Variants in DACH2 observed in about 807,000 individuals in gnomAD.
DACH2 encodes dachshund family transcription factor 2, also known as dachshund homolog 2.
A neutral mutation model predicts 35.8 loss-of-function variants in DACH2; 17 were observed. That is an observed-to-expected ratio of 0.48 (90% confidence interval 0.33 to 0.71). The LOEUF is 0.71. Ranked by LOEUF, DACH2 falls within the 30% of genes least tolerant of loss-of-function variation. DACH2 has a pLI of 0.02. For missense variants in DACH2, 469 were observed against 472.7 expected (o/e 0.99, Z 0.07); for synonymous variants, 195 against 177.3 (o/e 1.10, Z -0.79).
intron 3 of DACH2, among the ~76,000 whole-genome samples, chrX:86,616,094 A>T (rs2039998346): frequency 9.0e-6 from 1 of 111,449 alleles, no homozygotes; most frequent in Non-Finnish European, 1.9e-5. Context: ...TCCCCAAAAC[A>T]CATGATCTCA....
chrX:86,455,534 G>T (rs1420080974), intron 2 of DACH2, among the ~76,000 whole-genome samples: 1 of 112,243 alleles, frequency 8.9e-6, no homozygotes, highest in Non-Finnish European at 1.9e-5. Flanking sequence ...GAATAGATTG[G>T]GGTCCCATTT....
At chrX:86,828,487 T>C (rs1371927605) in intron 11 of DACH2, 1 of 111,571 alleles carries the variant, frequency 9.0e-6, no homozygotes, top group African/African-American at 3.3e-5. Context: ...CCCAAGCTGC[T>C]AAAAATACCC....
intron 1 of DACH2, among the ~76,000 whole-genome samples, chrX:86,313,223 A>T (rs189600213): frequency 1.8e-5 from 2 of 111,748 alleles, no homozygotes; most frequent in Admixed American, 9.6e-5. Flanking sequence ...ATCTAGTTCT[A>T]AAAAAGCTGA....
chrX:86,376,816 C>G lies in DACH2; in HGVS notation c.489-8C>G, dbSNP rs760971892. The G allele has an allele frequency of 9.4e-7, 1 of 1,067,323 alleles. No homozygotes were observed. Among genetic ancestry groups the G allele is most frequent in the African/African-American group, 1.9e-5 (1 of 53,617 alleles). The allele number at this position is 1,067,323 out of a possible 1,213,427, so 88.0% of individuals were successfully genotyped here. ...ATTTATTTATTTTCTGCTACACTCTCCTTTTAGAAGGAAGAGGCAAATGAC... is the reference window on the plus strand; with the variant it reads ...ATTTATTTATTTTCTGCTACACTCTGCTTTTAGAAGGAAGAGGCAAATGAC... On this transcript the variant is annotated splice_region_variant and splice_polypyrimidine_tract_variant and intron_variant, in intron 1 of 11. Transcript: ENST00000373125.
intron 3 of DACH2, among the ~76,000 whole-genome samples, chrX:86,572,645 A>G (rs1466648285): frequency 9.0e-6 from 1 of 111,574 alleles, no homozygotes; most frequent in Non-Finnish European, 1.9e-5. Flanking sequence ...ATTGAGTATG[A>G]TGTTGGCTAT....
At chrX:86,356,920 A>G (rs1251854683) in intron 1 of DACH2, among the ~76,000 whole-genome samples, 1 of 111,356 alleles carries the variant, frequency 9.0e-6, no homozygotes, top group East Asian at 2.8e-4. Context: ...AGTAGCATAC[A>G]CTGTACCTAG....
chrX:86,629,926 G>A (rs1006137201), intron 3 of DACH2, among the ~76,000 whole-genome samples: 11 of 111,068 alleles, frequency 9.9e-5, no homozygotes, highest in Non-Finnish European at 2.1e-4. Flanking sequence ...CAACAGACAA[G>A]TATAACTCAT....
intron 1 of DACH2, among the ~76,000 whole-genome samples, chrX:86,241,446 G>A (rs1398571971): frequency 8.9e-6 from 1 of 111,789 alleles, no homozygotes; most frequent in Non-Finnish European, 1.9e-5. Flanking sequence ...GATGTGGCCT[G>A]GCTGCTTCTA....
At chrX:86,407,884 C>G (rs751969285) in intron 2 of DACH2, among the ~76,000 whole-genome samples, 1 of 111,907 alleles carries the variant, frequency 8.9e-6, no homozygotes, top group Non-Finnish European at 1.9e-5. Flanking sequence ...GGTATCACAA[C>G]CCATTTATTT....
At chrX:86,158,649 A>G (rs1157758058) in intron 1 of DACH2, among the ~76,000 whole-genome samples, 1 of 110,003 alleles carries the variant, frequency 9.1e-6, no homozygotes, top group Non-Finnish European at 1.9e-5. Context: ...TCTTTCATGG[A>G]CCATACAGAC....
intron 1 of DACH2, among the ~76,000 whole-genome samples, chrX:86,306,683 C>T (rs1289960374): frequency 8.9e-6 from 1 of 111,877 alleles, no homozygotes; most frequent in Admixed American, 9.5e-5. Flanking sequence ...ACTCCAAGTT[C>T]TTCAATTTTG....
At chrX:86,289,193 T>A (rs2034217284) in intron 1 of DACH2, among the ~76,000 whole-genome samples, 1 of 108,101 alleles carries the variant, frequency 9.3e-6, no homozygotes, top group South Asian at 4.2e-4. Flanking sequence ...AGGAAGGTCC[T>A]GGAAAGGGTG....
chrX:86,457,298 G>A (rs2037493012), intron 2 of DACH2, among the ~76,000 whole-genome samples: 1 of 111,837 alleles, frequency 8.9e-6, no homozygotes. Context: ...AGGGACCAGA[G>A]TGTTACATAA....
chrX:86,662,899 T>G (rs1033679341), intron 4 of DACH2, among the ~76,000 whole-genome samples: 7 of 111,783 alleles, frequency 6.3e-5, no homozygotes, highest in Non-Finnish European at 1.9e-5. Flanking sequence ...GATTTATATT[T>G]ATGCGCTATA....
chrX:86,261,226 T>C (rs760583878), intron 1 of DACH2, among the ~76,000 whole-genome samples: 1 of 112,247 alleles, frequency 8.9e-6, no homozygotes, highest in Non-Finnish European at 1.9e-5. Context: ...TTTTCTTGAA[T>C]GGAGCAGTTT....
chrX:86,363,697 C>A (rs1399677114), intron 1 of DACH2, among the ~76,000 whole-genome samples: 1 of 110,548 alleles, frequency 9.0e-6, no homozygotes, highest in African/African-American at 3.3e-5. Context: ...TCTGAAAAAT[C>A]GTTTGGAAAT....
intron 7 of DACH2, among the ~76,000 whole-genome samples, chrX:86,801,006 G>A (rs1016229192): frequency 2.7e-5 from 3 of 110,303 alleles, no homozygotes; most frequent in Non-Finnish European, 5.7e-5. Flanking sequence ...ATATTACACA[G>A]GACAAGAAAA....
intron 5 of DACH2, among the ~76,000 whole-genome samples, chrX:86,707,616 T>A (rs2148454853): frequency 9.0e-6 from 1 of 110,506 alleles, no homozygotes; most frequent in Admixed American, 9.6e-5. Flanking sequence ...TTAACAATGT[T>A]TAGGAAAAAT....
intron 1 of DACH2, among the ~76,000 whole-genome samples, chrX:86,298,218 C>A (rs1291806401): frequency 1.8e-5 from 2 of 111,763 alleles, no homozygotes; most frequent in African/African-American, 6.5e-5. Flanking sequence ...GGCTGTCATC[C>A]AAAATGATAT....
Sources: gnomAD v4.1 joint callset for allele counts (sites outside exome capture counted in the v4.1 genomes callset) on GRCh38, gnomAD v4.1.1 for gene constraint, MANE v1.5 for transcripts, NCBI Gene and HGNC (gene_info 2026-07-23, HGNC 2026-07-21) for gene names.